The following DARS1 variants were observed in gnomAD, a reference collection of about 807,000 sequenced individuals.
The protein encoded by DARS1 is aspartate--tRNA ligase, cytoplasmic.
Under a neutral mutation model 68.8 loss-of-function variants are expected in DARS1, and 51 were observed. The ratio of observed to expected loss-of-function variants is 0.74; its 90% CI spans 0.59 to 0.94. The LOEUF is 0.94. Ranked by LOEUF, DARS1 falls within the 40% of genes least tolerant of loss-of-function variation. The pLI is 0.00. For synonymous variants in DARS1, 203 were observed against 190.4 expected (o/e 1.07, Z -0.55); for missense variants, 607 against 597.3 (o/e 1.02, Z -0.17).
intron 7 of DARS1, among the ~76,000 whole-genome samples, chr2:135,930,350 A>C (rs915323156): frequency 6.6e-6 from 1 of 152,206 alleles, no homozygotes; most frequent in East Asian, 1.9e-4. Context: ...AGAGAACTTT[A>C]GGAATGCCAT....
intron 3 of DARS1, among the ~76,000 whole-genome samples, chr2:135,963,711 G>A (rs1021519207): frequency 2.3e-5 from 3 of 133,228 alleles, no homozygotes; most frequent in Admixed American, 8.2e-5. Context: ...ATGGCATCTC[G>A]CTCTGTTGCC....
At chr2:135,970,469 T>C (rs1375512330) in intron 3 of DARS1, among the ~76,000 whole-genome samples, 3 of 151,918 alleles carry the variant, frequency 2.0e-5, no homozygotes, top group African/African-American at 4.8e-5. Context: ...CCAAAACATA[T>C]GGGATACAGT....
chr2:135,972,366 T>G (rs1355213900), intron 3 of DARS1, among the ~76,000 whole-genome samples: 1 of 152,158 alleles, frequency 6.6e-6, no homozygotes, highest in Non-Finnish European at 1.5e-5. Context: ...CTGGGAAAAC[T>G]GGATATCCAT....
intron 4 of DARS1, among the ~76,000 whole-genome samples, chr2:135,946,316 C>T (rs184486809): frequency 2.0e-5 from 3 of 152,154 alleles, no homozygotes; most frequent in East Asian, 3.9e-4. Flanking sequence ...AATGAGGGTA[C>T]CACTGCTAGC....
chr2:135,971,362 G>A (rs775341213), intron 3 of DARS1, among the ~76,000 whole-genome samples: 1 of 152,080 alleles, frequency 6.6e-6, no homozygotes. Context: ...TCCAACTGAT[G>A]CTAAAAAAGC....
rs777216029 is a variant in DARS1 at position 135,906,526 on chromosome 2, C to T, written c.*790G>A. 5.3e-5 allele frequency among the ~76,000 whole-genome samples: 8 copies of T among 152,110 alleles called. No individual in the cohort carries two copies. Among genetic ancestry groups the T allele is most frequent in the Non-Finnish European group, 8.8e-5 (6 of 68,014 alleles). On this transcript the variant is annotated 3_prime_UTR_variant, in exon 16 of 16. Coordinates refer to ENST00000264161, the MANE Select transcript of DARS1 (RefSeq NM_001349.4). The stretch of plus-strand genomic sequence containing the variant: ...GTCAACTTTAAGAGCTCTATCCCTA[C>T]GCCCATCTAAACTAATATCCTGAAA...
intron 5 of DARS1, among the ~76,000 whole-genome samples, chr2:135,934,843 G>A (rs574512070): frequency 1.4e-5 from 2 of 146,808 alleles, no homozygotes; most frequent in African/African-American, 5.0e-5. Context: ...CACCCAGGCT[G>A]GAGTGCAATG....
In DARS1 at chr2:135,932,811, C is replaced by T. The variant is rs1681379686; in HGVS notation, c.536G>A (p.Arg179Lys). 2 of 1,310,688 alleles carry T rather than the reference C, an allele frequency of 1.5e-6. No homozygotes were observed. Among genetic ancestry groups the T allele is most frequent in the African/African-American group, 2.9e-5 (2 of 67,950 alleles). 81.2% of individuals were successfully genotyped at this position (1,310,688 alleles called of 1,614,324 possible). A position where few individuals can be genotyped will look rare whatever the true frequency, so the allele number is the denominator to read the frequency against. The change falls in exon 7 of 16, where the codon AGA becomes AAA. Residue 179 changes from arginine to lysine, a missense_variant. Transcript: ENST00000264161. ...AAGATCAATGACTCTGTTGTCTAAT[C>T]TTGTATCCTGGTTAACAGTAGCTCT... ...EGRATVNQDT[R>K]LDNRVIDLRT...
chr2:135,914,250 T>G (rs1019985038), intron 12 of DARS1, among the ~76,000 whole-genome samples: 1 of 152,216 alleles, frequency 6.6e-6, no homozygotes, highest in Admixed American at 6.5e-5. Flanking sequence ...CGTAAAAATA[T>G]TAAATACTGA....
intron 2 of DARS1, among the ~76,000 whole-genome samples, chr2:135,981,491 G>A (rs1452552236): frequency 6.6e-6 from 1 of 152,084 alleles, no homozygotes; most frequent in African/African-American, 2.4e-5. Flanking sequence ...CTCATCGGAG[G>A]ATTTTGGATT....
chr2:135,978,625 A>C (rs553404445), intron 3 of DARS1, among the ~76,000 whole-genome samples: 3 of 152,332 alleles, frequency 2.0e-5, no homozygotes, highest in African/African-American at 7.2e-5. Context: ...GGTCTGTCTA[A>C]ATGATCCTAA....
intron 3 of DARS1, among the ~76,000 whole-genome samples, chr2:135,974,254 T>C (rs1682449687): frequency 6.6e-6 from 1 of 152,216 alleles, no homozygotes; most frequent in Non-Finnish European, 1.5e-5. Flanking sequence ...CATGTACAGG[T>C]CTGGCATGAC....
chr2:135,906,786 G>A lies in DARS1; in HGVS notation c.*530C>T, dbSNP rs945704001. 3 of 152,012 alleles carry A rather than the reference G, an allele frequency of 2.0e-5. No individual in the cohort carries two copies. The highest frequency in any genetic ancestry group is 7.3e-5 in the African/African-American group (3 of 41,378). The allele number at this position is 152,012 out of a possible 1,614,324, so 9.4% of individuals were successfully genotyped here. A position where few individuals can be genotyped will look rare whatever the true frequency, so the allele number is the denominator to read the frequency against. The stretch of plus-strand genomic sequence containing the variant: ...GTAGTTTAGCTTTACATAATTTCTA[G>A]GCATAACTTTTAAGAACTGATACTT... On this transcript the variant is annotated 3_prime_UTR_variant, in exon 16 of 16. Transcript: ENST00000264161.
intron 15 of DARS1, among the ~76,000 whole-genome samples, chr2:135,909,909 T>C (rs1004668430): frequency 2.0e-5 from 3 of 152,142 alleles, no homozygotes; most frequent in Non-Finnish European, 2.9e-5. Context: ...AAAATGCTCA[T>C]TGGAGCACTT....
At chr2:135,908,323 AT>A (rs988936887) in intron 15 of DARS1, among the ~76,000 whole-genome samples, 10 of 152,318 alleles carry the variant, frequency 6.6e-5, no homozygotes, top group African/African-American at 2.4e-4. Flanking sequence ...CATCTGAACC[AT>A]TTTTAAGTGT....
intron 2 of DARS1, among the ~76,000 whole-genome samples, chr2:135,981,100 T>A (rs1682621310): frequency 6.6e-6 from 1 of 152,224 alleles, no homozygotes; most frequent in Admixed American, 6.5e-5. Context: ...ATTGGCATTT[T>A]TGCAGAGGTA....
At position 135,952,434 on chromosome 2, in the gene DARS1, C is replaced by T. The variant is rs373905530; in HGVS notation, c.321-8954G>A. Among the ~76,000 whole-genome samples, 44 of 152,322 alleles carry T rather than the reference C, an allele frequency of 2.9e-4. No homozygotes were observed. In the East Asian group the frequency reaches 5.8e-3, roughly 20 times the overall value. On this transcript the variant is annotated intron_variant, in intron 4 of 15. Transcript: ENST00000264161. The stretch of plus-strand genomic sequence containing the variant: ...TTGTGGTGAGAACTTCCCAAATTCT[C>T]TCTTCCAGCTGTTTTGAAATATGCA...
intron 11 of DARS1, among the ~76,000 whole-genome samples, chr2:135,915,032 A>G (rs1047423225): frequency 2.0e-5 from 3 of 152,102 alleles, no homozygotes; most frequent in African/African-American, 7.2e-5. Context: ...AATACTACCT[A>G]AGCTTATAGG....
chr2:135,975,037 A>C (rs545528409), intron 3 of DARS1, among the ~76,000 whole-genome samples: 2 of 152,334 alleles, frequency 1.3e-5, no homozygotes, highest in East Asian at 3.9e-4. Context: ...ATGAAATACT[A>C]TGAAACCATT....
Sources: gnomAD v4.1 joint callset for allele counts (sites outside exome capture counted in the v4.1 genomes callset) on GRCh38, gnomAD v4.1.1 for gene constraint, MANE v1.5 for transcripts, NCBI Gene and HGNC (gene_info 2026-07-23, HGNC 2026-07-21) for gene names.